The following COBL variants were observed in gnomAD, a reference collection of about 807,000 sequenced individuals.
COBL encodes the protein cordon-bleu WH2 repeat protein, also known as protein cordon-bleu.
A neutral mutation model predicts 98.8 loss-of-function variants in COBL; 51 were observed. The observed-to-expected ratio is 0.52, with a 90% confidence interval of 0.41 to 0.65. The LOEUF (loss-of-function observed/expected upper bound fraction) is 0.65. Among genes scored for constraint, COBL ranks in the 30% least tolerant of loss-of-function variants. COBL has a pLI of 0.00. For synonymous variants in COBL, 634 were observed against 651.7 expected (o/e 0.97, Z 0.41); for missense variants, 1,617 against 1,617.5 (o/e 1.00, Z 0.01).
Position 51,025,258 on chromosome 7 carries a change from G to GGGGGGGGTGGGGGGGCA in COBL, c.3618_3619insTGCCCCCCCACCCCCCC (p.Pro1207CysfsTer41). On this transcript the variant is annotated frameshift_variant, in exon 12 of 13. Transcript: ENST00000265136. LOFTEE classifies it high-confidence loss of function. Reference sequence around the variant, plus strand: ...TGGGAGGGTGGAGGGGGTGGTGGGGGAATGGCTGGTGGGGACAGAAGACCA... The same window carrying GGGGGGGGTGGGGGGGCA: ...TGGGAGGGTGGAGGGGGTGGTGGGGGGGGGGGGTGGGGGGGCAAATGGCTGGTGGGGACAGAAGACCA... 1.4e-6 allele frequency: 1 copy of GGGGGGGGTGGGGGGGCA among 725,724 alleles called. No homozygotes were observed. Among genetic ancestry groups the GGGGGGGGTGGGGGGGCA allele is most frequent in the Non-Finnish European group, 2.4e-6 (1 of 411,538 alleles). 45.0% of individuals were successfully genotyped at this position (725,724 alleles called of 1,614,324 possible). A position where few individuals can be genotyped will look rare whatever the true frequency, so the allele number is the denominator to read the frequency against.
chr7:51,219,686 C>T, intron 2 of COBL, 55 bp downstream of exon 2: 9 of 1,559,776 alleles, frequency 5.8e-6, no homozygotes, highest in Non-Finnish European at 7.9e-6. Context: ...TTCCATTCTC[C>T]CCGCTATACT....
At chr7:51,224,148 T>C (rs1274032218) in intron 1 of COBL, among the ~76,000 whole-genome samples, 1 of 152,226 alleles carries the variant, frequency 6.6e-6, no homozygotes, top group Non-Finnish European at 1.5e-5. Flanking sequence ...TAGTAGGCTC[T>C]ACCATGTAGG....
chr7:51,137,513 C>A (rs1376987276), intron 5 of COBL, among the ~76,000 whole-genome samples: 1 of 151,436 alleles, frequency 6.6e-6, no homozygotes, highest in Non-Finnish European at 1.5e-5. Flanking sequence ...GTGGGAGGAT[C>A]TCTTGAGCCT....
intron 1 of COBL, among the ~76,000 whole-genome samples, chr7:51,225,727 C>G (rs1452334663): frequency 6.6e-6 from 1 of 152,162 alleles, no homozygotes; most frequent in Non-Finnish European, 1.5e-5. Context: ...CAGGATGACG[C>G]TTGTTAATTC....
chr7:51,197,893 G>C lies in COBL; in HGVS notation c.246-4304C>G, dbSNP rs75717817. 0.012 allele frequency among the ~76,000 whole-genome samples: 1,881 copies of C among 151,984 alleles called. 87 individuals are homozygous for C. In the East Asian group the frequency reaches 0.16, roughly 13 times the overall value. On this transcript the variant is annotated intron_variant, in intron 2 of 12. Coordinates refer to ENST00000265136, the MANE Select transcript of COBL (RefSeq NM_015198.5). ...GATTTTTCTCAGTCCCTTTTGTTTT[G>C]AGCTTACGTGTGTCACTGCATGTAA... is the stretch of plus-strand genomic sequence containing the variant.
Position 51,017,169 on chromosome 7 carries a change from G to A in COBL, c.*382C>T, listed in dbSNP as rs1163616028. 3 of 472,812 alleles carry A rather than the reference G, an allele frequency of 6.3e-6. No individual in the cohort carries two copies. The highest frequency in any genetic ancestry group is 1.1e-5 in the Non-Finnish European group (3 of 271,296). 29.3% of individuals were successfully genotyped at this position (472,812 alleles called of 1,614,324 possible). A position where few individuals can be genotyped will look rare whatever the true frequency, so the allele number is the denominator to read the frequency against. ...AATCAGTAAGTAGTTTCATCCATCT[G>A]TATGTGGTAAAAGTCTCAAAGGTCC... On this transcript the variant is annotated 3_prime_UTR_variant, in exon 13 of 13. Transcript: ENST00000265136.
rs115915199 is a variant in COBL at position 51,162,961 on chromosome 7, A to G, written c.783+21141T>C. Among the ~76,000 whole-genome samples, 410 of 152,364 alleles carry G rather than the reference A, an allele frequency of 2.7e-3. 4 individuals carry two copies. Among genetic ancestry groups the G allele is most frequent in the African/African-American group, 9.4e-3 (393 of 41,590 alleles). On this transcript the variant is annotated intron_variant, in intron 5 of 12. Coordinates refer to ENST00000265136, the MANE Select transcript of COBL (RefSeq NM_015198.5). ...TCACTGCAATGTTTCCTGTAAAGCA[A>G]GAAGTGCTAAGCTAAGCGCTAAGCT...
At position 51,082,394 on chromosome 7, in the gene COBL, T is replaced by A. The variant is rs74993830; in HGVS notation, c.1096+2772A>T. ...AGTGTAGAGAGTAAGTGTATAAAAC[T>A]ATGCCTGTCCGGAGGTGGGAATGCT... On this transcript the variant is annotated intron_variant, in intron 7 of 12. Transcript: ENST00000265136. Among the ~76,000 whole-genome samples the A allele has an allele frequency of 4.6e-3, 695 of 152,226 alleles. 5 individuals are homozygous for A. Among genetic ancestry groups the A allele is most frequent in the African/African-American group, 0.016 (661 of 41,544 alleles).
At chr7:51,227,004 C>T (rs1413152057) in intron 1 of COBL, among the ~76,000 whole-genome samples, 1 of 152,214 alleles carries the variant, frequency 6.6e-6, no homozygotes, top group Non-Finnish European at 1.5e-5. Flanking sequence ...ACCACCTACA[C>T]ACTTTGCACC....
intron 1 of COBL, among the ~76,000 whole-genome samples, chr7:51,236,920 C>G (rs573291579): frequency 1.3e-5 from 2 of 152,202 alleles, no homozygotes; most frequent in African/African-American, 4.8e-5. Flanking sequence ...TCAACGGTCT[C>G]GCCTCTTCAC....
intron 6 of COBL, among the ~76,000 whole-genome samples, chr7:51,096,296 G>A (rs1014055786): frequency 1.3e-5 from 2 of 152,016 alleles, no homozygotes; most frequent in Non-Finnish European, 2.9e-5. Flanking sequence ...AATCACAAGG[G>A]TAGTCAGAAA....
chr7:51,039,116 T>C (rs1788915941), intron 8 of COBL, among the ~76,000 whole-genome samples: 1 of 152,196 alleles, frequency 6.6e-6, no homozygotes. Flanking sequence ...GTTGGGTATA[T>C]GTTTCAGGGG....
intron 7 of COBL, among the ~76,000 whole-genome samples, chr7:51,068,977 T>G (rs1395710692): frequency 6.6e-6 from 1 of 152,210 alleles, no homozygotes; most frequent in Non-Finnish European, 1.5e-5. Context: ...ACTTGTGCAG[T>G]GAGTGACAGT....
chr7:51,138,230 T>C (rs1239479506), intron 5 of COBL, among the ~76,000 whole-genome samples: 1 of 152,214 alleles, frequency 6.6e-6, no homozygotes, highest in African/African-American at 2.4e-5. Flanking sequence ...CGTCAATGCC[T>C]ATTTAGGCTC....
chr7:51,135,650 C>A (rs1371595830), intron 6 of COBL, among the ~76,000 whole-genome samples: 1 of 152,094 alleles, frequency 6.6e-6, no homozygotes, highest in Non-Finnish European at 1.5e-5. Flanking sequence ...GGGCTTTGAA[C>A]CTAAAGACTA....
chr7:51,299,121 C>T (rs949767842), intron 1 of COBL, among the ~76,000 whole-genome samples: 2 of 152,190 alleles, frequency 1.3e-5, no homozygotes, highest in Admixed American at 6.5e-5. Flanking sequence ...GCACAGCACA[C>T]CTCCCAAAGA....
chr7:51,089,457 G>A (rs1434961063), intron 6 of COBL, among the ~76,000 whole-genome samples: 1 of 152,140 alleles, frequency 6.6e-6, no homozygotes, highest in Non-Finnish European at 1.5e-5. Flanking sequence ...GGAGGTTGCA[G>A]TGAGCCGAGA....
intron 5 of COBL, among the ~76,000 whole-genome samples, chr7:51,163,260 G>A (rs988133710): frequency 6.6e-6 from 1 of 152,224 alleles, no homozygotes; most frequent in Admixed American, 6.5e-5. Flanking sequence ...CAACGGCAGA[G>A]TGCTCTTCAG....
intron 12 of COBL, among the ~76,000 whole-genome samples, chr7:51,024,014 GA>G (rs967544754): frequency 6.6e-6 from 1 of 152,142 alleles, no homozygotes; most frequent in Non-Finnish European, 1.5e-5. Flanking sequence ...TAATCACTCA[GA>G]AAATAAAATC....
Sources: allele counts gnomAD v4.1 joint callset (sites outside exome capture counted in the v4.1 genomes callset), GRCh38; gene constraint gnomAD v4.1.1; transcripts MANE v1.5; gene names NCBI Gene and HGNC (gene_info 2026-07-23, HGNC 2026-07-21).